The following HMCN1 variants were observed in gnomAD, a reference collection of about 807,000 sequenced individuals.
HMCN1 encodes hemicentin-1.
In HMCN1, 321 loss-of-function variants were observed where a neutral mutation model predicts 625.9. The observed-to-expected ratio is 0.51, with a 90% confidence interval of 0.47 to 0.56. The LOEUF (loss-of-function observed/expected upper bound fraction) is 0.56. Among genes scored for constraint, HMCN1 ranks in the 20% least tolerant of loss-of-function variants. HMCN1 has a pLI of 0.00. For synonymous variants in HMCN1, 2,425 were observed against 2,417.6 expected, an observed-to-expected ratio of 1.00 and a Z score of -0.09; for missense variants, 6,588 against 6,887.3, an observed-to-expected ratio of 0.96 and a Z score of 1.54.
chr1:185,853,694 A>C (rs1662297842), intron 2 of HMCN1, among the ~76,000 whole-genome samples: 1 of 152,140 alleles, frequency 6.6e-6, no homozygotes, highest in African/African-American at 2.4e-5. Context: ...CCAGAAGCAA[A>C]TACGTTGTTG....
rs1470821608 is a variant in HMCN1 at position 186,007,262 on chromosome 1, A to T, written c.4610A>T (p.Asp1537Val). The T allele has an allele frequency of 1.9e-6, 3 of 1,613,620 alleles. No individual in the cohort carries two copies. Among genetic ancestry groups the T allele is most frequent in the African/African-American group, 1.3e-5 (1 of 74,928 alleles). Residue 1537 changes from aspartate to valine, a missense_variant, in exon 30 of 107, where the codon GAT becomes GTT. Around this residue, in one of 3 missense-constraint regions of HMCN1, gnomAD observed 4,628 missense variants for 4,853.1 expected, o/e 0.95. Coordinates refer to ENST00000271588, the MANE Select transcript of HMCN1 (RefSeq NM_031935.3). ...AATGCAGCTGGCAAACAAGCCAAGG[A>T]TATAAAACTGACTATCTATAGTAAG... is the stretch of plus-strand genomic sequence containing the variant. ...VSNAAGKQAKDIKLTIYIPPS... is the reference protein window; with the variant it reads ...VSNAAGKQAKVIKLTIYIPPS...
chr1:186,033,108 C>T lies in HMCN1; in HGVS notation c.5750-4826C>T, dbSNP rs569292976. Among the ~76,000 whole-genome samples, 15 of 151,438 alleles carry T rather than the reference C, an allele frequency of 9.9e-5. 2 individuals carry two copies. In the South Asian group the frequency reaches 3.1e-3, roughly 32 times the overall value. On this transcript the variant is annotated intron_variant, in intron 36 of 106. Transcript: ENST00000271588. Reference sequence around the variant, plus strand: ...CACACACACACACCATGGAATACTACTCAACCATAAAAAGGAATGAAATAA... The same window carrying T: ...CACACACACACACCATGGAATACTATTCAACCATAAAAAGGAATGAAATAA...
At chr1:185,833,872 G>A (rs1661018932) in intron 1 of HMCN1, among the ~76,000 whole-genome samples, 2 of 151,756 alleles carry the variant, frequency 1.3e-5, no homozygotes, top group African/African-American at 4.8e-5. Context: ...TTAAATGTTA[G>A]CCTCTTCTAA....
intron 11 of HMCN1, among the ~76,000 whole-genome samples, chr1:185,958,168 ACTCACTGCAACCTTTGG>A (rs1023214730): frequency 2.0e-5 from 3 of 151,990 alleles, no homozygotes; most frequent in Non-Finnish European, 4.4e-5. Flanking sequence ...GCAACTTTTG[ACTCACTGCAACCTTTGG>A]CTCACTGCAA....
intron 4 of HMCN1, among the ~76,000 whole-genome samples, chr1:185,873,511 G>C (rs939676989): frequency 1.3e-5 from 2 of 152,112 alleles, no homozygotes; most frequent in Non-Finnish European, 2.9e-5. Flanking sequence ...GAACACAAGG[G>C]AACATGCAAA....
chr1:186,182,363 A>G (rs1652990709), intron 105 of HMCN1, 76 bp downstream of exon 105: 3 of 1,543,114 alleles, frequency 1.9e-6, no homozygotes, highest in African/African-American at 1.4e-5. Flanking sequence ...TTTTTTTTCA[A>G]TAATCATTCT....
chr1:186,111,590 A>C (rs1057456917), intron 71 of HMCN1, among the ~76,000 whole-genome samples: 3 of 152,190 alleles, frequency 2.0e-5, no homozygotes, highest in Non-Finnish European at 4.4e-5. Context: ...AGATTAGAGT[A>C]AACTACGATA....
intron 1 of HMCN1, among the ~76,000 whole-genome samples, chr1:185,746,902 C>A (rs1654443499): frequency 6.6e-6 from 1 of 152,060 alleles, no homozygotes; most frequent in African/African-American, 2.4e-5. Context: ...CCACCGCAAC[C>A]AGCCAAATTT....
intron 46 of HMCN1, among the ~76,000 whole-genome samples, chr1:186,061,236 G>C (rs1337087926): frequency 2.0e-5 from 3 of 152,076 alleles, no homozygotes; most frequent in Non-Finnish European, 2.9e-5. Flanking sequence ...CTGCATGTCT[G>C]GGGAGGCCTC....
At chr1:185,994,619 A>G (rs945706270) in intron 23 of HMCN1, among the ~76,000 whole-genome samples, 196 bp from the exon 24 acceptor site, 8 of 152,112 alleles carry the variant, frequency 5.3e-5, no homozygotes, top group Non-Finnish European at 1.0e-4. Flanking sequence ...TCCCTGGATT[A>G]TCAAGGAAAC....
intron 1 of HMCN1, among the ~76,000 whole-genome samples, chr1:185,757,335 A>T (rs1655197979): frequency 6.6e-6 from 1 of 152,174 alleles, no homozygotes. Flanking sequence ...ATCTGGCCCG[A>T]TCGCCTCTCT....
At position 185,875,261 on chromosome 1, in the gene HMCN1, A is replaced by G. The variant is rs142181915; in HGVS notation, c.621+9398A>G. On this transcript the variant is annotated intron_variant, in intron 4 of 106. Coordinates refer to ENST00000271588, the MANE Select transcript of HMCN1 (RefSeq NM_031935.3). ...TTACTGTGTAGGTATTGTTTTTAAAATAAAGGAAAATAGTGAAGCCATTTC... is the reference window on the plus strand; with the variant it reads ...TTACTGTGTAGGTATTGTTTTTAAAGTAAAGGAAAATAGTGAAGCCATTTC... Among the ~76,000 whole-genome samples, 391 of 152,170 alleles carry G rather than the reference A, an allele frequency of 2.6e-3. 1 individual carries two copies. Among genetic ancestry groups the G allele is most frequent in the African/African-American group, 8.9e-3 (370 of 41,556 alleles).
chr1:186,077,176 G>C (rs908936922), intron 54 of HMCN1, among the ~76,000 whole-genome samples: 3 of 152,072 alleles, frequency 2.0e-5, no homozygotes, highest in Non-Finnish European at 4.4e-5. Context: ...CTTAAGGTCA[G>C]TGCAGTAAGT....
At chr1:185,925,483 G>C (rs1458223721) in intron 9 of HMCN1, among the ~76,000 whole-genome samples, 1 of 152,104 alleles carries the variant, frequency 6.6e-6, no homozygotes, top group African/African-American at 2.4e-5. Context: ...CTGTTCTTAA[G>C]ACAAATACAG....
chr1:185,879,618 A>G (rs1664168100), intron 4 of HMCN1, among the ~76,000 whole-genome samples: 1 of 152,216 alleles, frequency 6.6e-6, no homozygotes, highest in South Asian at 2.1e-4. Context: ...AGGATTCAAT[A>G]TTGAGCAAAA....
chr1:186,070,211 T>C (rs1370102351), intron 51 of HMCN1, among the ~76,000 whole-genome samples: 1 of 152,222 alleles, frequency 6.6e-6, no homozygotes, highest in Admixed American at 6.5e-5. Context: ...TTAATGGGAC[T>C]CATATTTCAG....
chr1:185,894,886 G>A (rs140550670), intron 4 of HMCN1, among the ~76,000 whole-genome samples: 290 of 151,946 alleles, frequency 1.9e-3, no homozygotes, highest in Middle Eastern at 6.8e-3. Flanking sequence ...TTCCTGACAC[G>A]GTAGTTTGGG....
chr1:185,853,951 A>G (rs1384079729), intron 2 of HMCN1, among the ~76,000 whole-genome samples: 1 of 152,208 alleles, frequency 6.6e-6, no homozygotes, highest in Non-Finnish European at 1.5e-5. Context: ...AAGAGAAAGA[A>G]TACACTAAAC....
intron 33 of HMCN1, 112 bp downstream of exon 33, chr1:186,017,183 C>A: frequency 1.4e-6 from 1 of 721,582 alleles, no homozygotes. Context: ...AAATTGTATT[C>A]TTTATATTCC....
Sources: gnomAD v4.1 joint callset for allele counts (sites outside exome capture counted in the v4.1 genomes callset) on GRCh38, gnomAD v4.1.1 for gene constraint, gnomAD v4.1.1 regional missense constraint, MANE v1.5 for transcripts, NCBI Gene and HGNC (gene_info 2026-07-23, HGNC 2026-07-21) for gene names.